CARMIL1: variants seen among roughly 807,000 people sequenced by gnomAD.
The protein encoded by CARMIL1 is capping protein regulator and myosin 1 linker 1, also known as F-actin-uncapping protein LRRC16A.
In CARMIL1, 90 loss-of-function variants were observed where a neutral mutation model predicts 177.1. The observed-to-expected ratio is 0.51, with a 90% CI of 0.43 to 0.61. The LOEUF is 0.61. Among genes scored for constraint, CARMIL1 ranks in the 20% least tolerant of loss-of-function variants. CARMIL1 has a pLI of 0.00. For missense variants in CARMIL1, 1,380 were observed against 1,667.0 expected (o/e 0.83, Z 3.00); for synonymous variants, 577 against 606.2 (o/e 0.95, Z 0.71).
rs955775152 is a variant in CARMIL1, at chr6:25,480,941, C to T, written c.875-1316C>T. On this transcript the variant is annotated intron_variant, in intron 11 of 36. Coordinates refer to ENST00000329474, the MANE Select transcript of CARMIL1 (RefSeq NM_017640.6). ...TTCACCGTGTTAGCCAGGATGGTCT[C>T]GATCTCCTGACCTTGTGATCCGCCC... is the stretch of plus-strand genomic sequence containing the variant. Among the ~76,000 whole-genome samples the T allele has an allele frequency of 9.2e-5, 14 of 151,806 alleles. No individual in the cohort carries two copies. In the South Asian group the frequency reaches 1.7e-3, roughly 18 times the overall value.
At chr6:25,307,759 G>C (rs962964674) in intron 2 of CARMIL1, among the ~76,000 whole-genome samples, 19 of 152,186 alleles carry the variant, frequency 1.2e-4, no homozygotes, top group African/African-American at 4.3e-4. Context: ...TGCCGTGTTA[G>C]TCTTTATTTT....
intron 2 of CARMIL1, among the ~76,000 whole-genome samples, chr6:25,320,126 A>G (rs1170089603): frequency 6.6e-6 from 1 of 152,176 alleles, no homozygotes; most frequent in Non-Finnish European, 1.5e-5. Context: ...TGAAGAGAAA[A>G]AACACTCCAG....
At chr6:25,456,506 A>G (rs772458385) in intron 8 of CARMIL1, among the ~76,000 whole-genome samples, 4 of 152,184 alleles carry the variant, frequency 2.6e-5, no homozygotes, top group Non-Finnish European at 4.4e-5. Flanking sequence ...ATTTAAGTAT[A>G]TTCTTTCAAT....
Position 25,594,443 on chromosome 6 carries a change from A to C in CARMIL1, c.3035A>C (p.Asp1012Ala). The change falls in exon 32 of 37, where the codon GAT becomes GCT. Residue 1012 changes from aspartate (D) to alanine (A), a missense_variant. By Grantham distance (126) the Asp-to-Ala change is moderately radical. Transcript: ENST00000329474. Reference sequence around the variant, plus strand: ...TGTGCTGCCAACATAGTCTCACAAGATGGTGAACAGAATGGTCTCATGGGG... The same window carrying C: ...TGTGCTGCCAACATAGTCTCACAAGCTGGTGAACAGAATGGTCTCATGGGG... ...AVCAANIVSQ[D>A]GEQNGLMGRV... 1.2e-6 allele frequency: 2 copies of C among 1,613,112 alleles called. No individual in the cohort carries two copies.
intron 3 of CARMIL1, 60 bp from the exon 4 acceptor site, chr6:25,426,441 T>A: frequency 5.7e-6 from 7 of 1,238,396 alleles, no homozygotes; most frequent in Non-Finnish European, 7.0e-6. Flanking sequence ...CCTTAAGTTA[T>A]ATGTTTTTTT....
At chr6:25,291,455 A>G (rs1047107961) in intron 2 of CARMIL1, among the ~76,000 whole-genome samples, 14 of 152,210 alleles carry the variant, frequency 9.2e-5, no homozygotes, top group Admixed American at 2.6e-4. Context: ...GCAGTAGGCC[A>G]TACTCATTTT....
intron 31 of CARMIL1, among the ~76,000 whole-genome samples, chr6:25,588,624 T>C (rs1463356712): frequency 6.6e-6 from 1 of 152,242 alleles, no homozygotes; most frequent in Non-Finnish European, 1.5e-5. Context: ...TTATACTCAC[T>C]CATCCACTGC....
intron 2 of CARMIL1, among the ~76,000 whole-genome samples, chr6:25,313,662 G>T (rs1333880503): frequency 8.0e-6 from 1 of 125,436 alleles, no homozygotes; most frequent in Admixed American, 7.8e-5. Context: ...GCATTTTAAA[G>T]ATCTTTACCC....
At chr6:25,530,395 A>T (rs1332432524) in intron 24 of CARMIL1, among the ~76,000 whole-genome samples, 1 of 152,112 alleles carries the variant, frequency 6.6e-6, no homozygotes, top group East Asian at 1.9e-4. Context: ...CAGACCTGTA[A>T]TCCCAACTAC....
At chr6:25,553,968 A>G (rs1810376088) in intron 27 of CARMIL1, 41 bp from the exon 28 acceptor site, 1 of 1,351,462 alleles carries the variant, frequency 7.4e-7, no homozygotes, top group Non-Finnish European at 1.0e-6. Context: ...CCCCTCTTGC[A>G]CAAATTAAAA....
intron 2 of CARMIL1, among the ~76,000 whole-genome samples, chr6:25,400,871 C>T (rs974919099): frequency 2.0e-5 from 3 of 152,176 alleles, no homozygotes; most frequent in East Asian, 1.9e-4. Context: ...TGAGTCTCCT[C>T]TCACTAAGAG....
intron 2 of CARMIL1, among the ~76,000 whole-genome samples, chr6:25,338,599 C>A (rs1786548528): frequency 6.7e-6 from 1 of 149,040 alleles, no homozygotes; most frequent in African/African-American, 2.5e-5. Context: ...GGAGAATTTA[C>A]ACTTTTGGTA....
chr6:25,442,878 T>G (rs1797907578), intron 5 of CARMIL1, among the ~76,000 whole-genome samples: 1 of 152,170 alleles, frequency 6.6e-6, no homozygotes, highest in Non-Finnish European at 1.5e-5. Flanking sequence ...AGTGTGAATG[T>G]CCACTTTTGT....
At chr6:25,563,057 A>G (rs908311322) in intron 29 of CARMIL1, 1 of 189,058 alleles carries the variant, frequency 5.3e-6, no homozygotes, top group Non-Finnish European at 9.8e-6. Context: ...GAAAAATTGC[A>G]AGTGAATTTT....
intron 2 of CARMIL1, among the ~76,000 whole-genome samples, chr6:25,395,305 C>T (rs1439338178): frequency 2.6e-5 from 4 of 152,200 alleles, no homozygotes; most frequent in South Asian, 4.1e-4. Context: ...CATTAGTCAA[C>T]ATTGGTTGAG....
At chr6:25,343,530 A>G (rs1195133361) in intron 2 of CARMIL1, among the ~76,000 whole-genome samples, 1 of 152,034 alleles carries the variant, frequency 6.6e-6, no homozygotes, top group Non-Finnish European at 1.5e-5. Flanking sequence ...CCTCAGAAGC[A>G]ATCTCATCAC....
At chr6:25,516,514 G>T (rs915244385) in intron 21 of CARMIL1, among the ~76,000 whole-genome samples, 1 of 152,052 alleles carries the variant, frequency 6.6e-6, no homozygotes, top group Non-Finnish European at 1.5e-5. Flanking sequence ...TCTATTCTCC[G>T]GCATAAAAGT....
intron 2 of CARMIL1, among the ~76,000 whole-genome samples, chr6:25,357,621 G>A (rs981834840): frequency 6.6e-6 from 1 of 152,090 alleles, no homozygotes; most frequent in Non-Finnish European, 1.5e-5. Context: ...ATTTTTTTGA[G>A]TGTTATGGAG....
rs374420056 is a variant in CARMIL1 at position 25,293,565 on chromosome 6, GA to G, written c.138+8657del. 7.5e-3 allele frequency among the ~76,000 whole-genome samples: 1,134 copies of G among 151,546 alleles called. 10 individuals are homozygous for G. The highest frequency in any genetic ancestry group is 0.02 in the African/African-American group (818 of 41,284). On this transcript the variant is annotated intron_variant, in intron 2 of 36. Transcript: ENST00000329474. The stretch of plus-strand genomic sequence containing the variant: ...ATGCCGAATTTTTTTTTTTCCTAGA[GA>G]TGGGGTCTCACTTTGTTGCCTAGGC...
Sources: gnomAD v4.1 joint callset for allele counts (sites outside exome capture counted in the v4.1 genomes callset) on GRCh38, gnomAD v4.1.1 for gene constraint, MANE v1.5 for transcripts, NCBI Gene and HGNC (gene_info 2026-07-23, HGNC 2026-07-21) for gene names.